C1orf50: variants seen among roughly 807,000 people sequenced by gnomAD.
The protein encoded by C1orf50 is chromosome 1 open reading frame 50.
In C1orf50, 22 loss-of-function variants were observed where a neutral mutation model predicts 23.3. The ratio of observed to expected loss-of-function variants is 0.94; its 90% CI spans 0.67 to 1.35. The LOEUF is 1.35. C1orf50 is among the 40% of genes most tolerant of loss of function. The pLI, the probability that C1orf50 is intolerant of heterozygous loss-of-function variation, is 0.00. For missense variants in C1orf50, 271 were observed against 249.4 expected, an observed-to-expected ratio of 1.09 and a Z score of -0.58; for synonymous variants, 96 against 102.4, an observed-to-expected ratio of 0.94 and a Z score of 0.38.
At chr1:42,771,353 T>A (rs1414788847) in intron 2 of C1orf50, among the ~76,000 whole-genome samples, 2 of 152,180 alleles carry the variant, frequency 1.3e-5, no homozygotes, top group African/African-American at 4.8e-5. Context: ...AATTTGAATT[T>A]AAAAAACCTG....
chr1:42,767,669 G>A (rs1381131058), intron 2 of C1orf50, 45 bp downstream of exon 2: 4 of 1,522,026 alleles, frequency 2.6e-6, no homozygotes, highest in Admixed American at 3.7e-5. Flanking sequence ...CTTCGTTCAC[G>A]TTGTACTCTG....
At chr1:42,775,141 G>T in intron 4 of C1orf50, 68 bp from the exon 5 acceptor site, 1 of 1,420,380 alleles carries the variant, frequency 7.0e-7, no homozygotes, top group South Asian at 1.3e-5. Context: ...ATTGTGGCAT[G>T]ATTAGGAAAT....
At chr1:42,767,435 G>A (rs1447589472) in intron 1 of C1orf50, 45 bp downstream of exon 1, 1 of 1,553,222 alleles carries the variant, frequency 6.4e-7, no homozygotes, top group Non-Finnish European at 8.7e-7. Context: ...CTCCCGCGAG[G>A]CAGCCGGTCT....
In C1orf50 at chr1:42,777,709, A is replaced by C. The variant is rs78939910; in HGVS notation, c.*2315A>C. ...CAGACATCATTGAATCATTGAACAG[A>C]TCCTAGAATCTATCTGCCACAGTGC... On this transcript the variant is annotated 3_prime_UTR_variant, in exon 5 of 5. Coordinates refer to ENST00000372525, the MANE Select transcript of C1orf50 (RefSeq NM_024097.4). 5,452 of 152,286 alleles carry C rather than the reference A, an allele frequency of 0.036. 141 individuals carry two copies. Among genetic ancestry groups the C allele is most frequent in the South Asian group, 0.074 (359 of 4,830 alleles). 9.4% of individuals were successfully genotyped at this position (152,286 alleles called of 1,614,324 possible).
At chr1:42,771,015 G>A (rs1653208847) in intron 2 of C1orf50, among the ~76,000 whole-genome samples, 1 of 152,054 alleles carries the variant, frequency 6.6e-6, no homozygotes, top group Admixed American at 6.6e-5. Flanking sequence ...TTATTAAATT[G>A]AATTCAAATA....
intron 2 of C1orf50, among the ~76,000 whole-genome samples, chr1:42,770,877 CT>C (rs150550494): frequency 1.2e-4 from 18 of 150,796 alleles, no homozygotes; most frequent in African/African-American, 3.4e-4. Flanking sequence ...TGCCTGCAAA[CT>C]TTTTTTTTTC....
chr1:42,769,068 A>T (rs1474831096), intron 2 of C1orf50, among the ~76,000 whole-genome samples: 1 of 152,050 alleles, frequency 6.6e-6, no homozygotes, highest in African/African-American at 2.4e-5. Flanking sequence ...GTTCGAGACC[A>T]GTCTGGCCAA....
intron 2 of C1orf50, among the ~76,000 whole-genome samples, chr1:42,770,435 C>CTTTT: frequency 7.0e-6 from 1 of 142,236 alleles, no homozygotes; most frequent in Non-Finnish European, 1.5e-5. Context: ...TTCTTTCTTT[C>CTTTT]TTTTTTTTTT....
chr1:42,775,171 C>T (rs761173969), intron 4 of C1orf50, 38 bp from the exon 5 acceptor site: 1 of 1,553,904 alleles, frequency 6.4e-7, no homozygotes, highest in South Asian at 1.1e-5. Context: ...TTGTTTACAA[C>T]CCACGCTGAT....
chr1:42,777,921 G>C lies in C1orf50; in HGVS notation c.*2527G>C, dbSNP rs1279339140. ...CCATTCTGCATGCAGTCATCAGCTT[G>C]ATCATTTGAAAATGCCAAATCTCCC... On this transcript the variant is annotated 3_prime_UTR_variant, in exon 5 of 5. Transcript: ENST00000372525. The C allele has an allele frequency of 6.6e-6, 1 of 151,878 alleles. No homozygotes were observed. Among genetic ancestry groups the C allele is most frequent in the Non-Finnish European group, 1.5e-5 (1 of 67,982 alleles). The allele number at this position is 151,878 out of a possible 1,614,324, so 9.4% of individuals were successfully genotyped here. A position where few individuals can be genotyped will look rare whatever the true frequency, so the allele number is the denominator to read the frequency against.
In C1orf50 at chr1:42,767,342, G is replaced by A. The variant is rs866713635; in HGVS notation, c.31G>A (p.Glu11Lys). The A allele has an allele frequency of 2.0e-6, 3 of 1,535,146 alleles. No homozygotes were observed. Among genetic ancestry groups the A allele is most frequent in the African/African-American group, 1.4e-5 (1 of 71,934 alleles). The part of the protein sequence containing the change: MEDAAAPGRT[E>K]GVLERQGAPP... ...GGACGCCGCCGCGCCGGGGCGGACC[G>A]AGGGGGTCCTTGAAAGGCAAGGAGC... The change falls in exon 1 of 5, where the codon GAG becomes AAG. Residue 11 changes from glutamate to lysine, a missense_variant. By Grantham distance (56) the Glu-to-Lys change is moderately conservative. Coordinates refer to ENST00000372525, the MANE Select transcript of C1orf50 (RefSeq NM_024097.4).
chr1:42,771,962 G>C (rs1445056026), intron 2 of C1orf50, among the ~76,000 whole-genome samples: 2 of 139,682 alleles, frequency 1.4e-5, no homozygotes, highest in African/African-American at 2.7e-5. Flanking sequence ...GTGACAGAGC[G>C]AGACTCTGCC....
intron 2 of C1orf50, 43 bp downstream of exon 2, chr1:42,767,667 A>G (rs1180813498): frequency 6.5e-7 from 1 of 1,531,342 alleles, no homozygotes; most frequent in South Asian, 1.2e-5. Context: ...ATCTTCGTTC[A>G]CGTTGTACTC....
At chr1:42,768,042 C>G (rs1328405760) in intron 2 of C1orf50, among the ~76,000 whole-genome samples, 1 of 152,190 alleles carries the variant, frequency 6.6e-6, no homozygotes, top group African/African-American at 2.4e-5. Context: ...TAAACATCTT[C>G]TAGCAGGGCA....
chr1:42,767,442 G>C, intron 1 of C1orf50, 52 bp downstream of exon 1: 2 of 1,553,648 alleles, frequency 1.3e-6, no homozygotes, highest in Non-Finnish European at 1.7e-6. Flanking sequence ...GAGGCAGCCG[G>C]TCTCGGGGCT....
chr1:42,776,110 A>G lies in C1orf50; in HGVS notation c.*716A>G, dbSNP rs1433785930. 1 of 152,186 alleles carries G rather than the reference A, an allele frequency of 6.6e-6. No homozygotes were observed. Among genetic ancestry groups the G allele is most frequent in the Non-Finnish European group, 1.5e-5 (1 of 68,042 alleles). 9.4% of individuals were successfully genotyped at this position (152,186 alleles called of 1,614,324 possible). ...CTTGGAAGAGACATTGGATGCTGCC[A>G]CTAATCATTATAGAGTCCACTGTGT... On this transcript the variant is annotated 3_prime_UTR_variant, in exon 5 of 5. Transcript: ENST00000372525.
rs1653088629 is a variant in C1orf50, at chr1:42,767,354, G to C, written c.43G>C (p.Glu15Gln). Residue 15 changes from glutamate to glutamine, a missense_variant, in exon 1 of 5, where the codon GAA becomes CAA. Coordinates refer to ENST00000372525, the MANE Select transcript of C1orf50 (RefSeq NM_024097.4). The part of the protein sequence containing the change: ...AAPGRTEGVL[E>Q]RQGAPPAAGQ... The stretch of plus-strand genomic sequence containing the variant: ...GCCGGGGCGGACCGAGGGGGTCCTT[G>C]AAAGGCAAGGAGCGCCGCCAGCTGC... The C allele has an allele frequency of 6.5e-7, 1 of 1,536,796 alleles. No individual in the cohort carries two copies. Among genetic ancestry groups the C allele is most frequent in the Admixed American group, 2.4e-5 (1 of 42,376 alleles).
chr1:42,767,390 G>A lies in C1orf50; in HGVS notation c.79G>A (p.Gly27Arg), dbSNP rs1653091105. The A allele has an allele frequency of 6.4e-7, 1 of 1,556,412 alleles. No individual in the cohort carries two copies. The highest frequency in any genetic ancestry group is 1.4e-5 in the African/African-American group (1 of 73,490). The part of the protein sequence containing the change: ...QGAPPAAGQG[G>R]ALVELTPTPG... ...AGCGCCGCCAGCTGCAGGCCAGGGAGGTATGCGGGGCGGGAGTCAGCAGGG... is the reference window on the plus strand; with the variant it reads ...AGCGCCGCCAGCTGCAGGCCAGGGAAGTATGCGGGGCGGGAGTCAGCAGGG... The change falls in exon 1 of 5, where the codon GGA becomes AGA. Residue 27 changes from glycine to arginine, a missense_variant and splice_region_variant. By Grantham distance (125) the Gly-to-Arg change is moderately radical. Transcript: ENST00000372525.
At chr1:42,773,207 G>C (rs1255158431) in intron 2 of C1orf50, 4 of 161,340 alleles carry the variant, frequency 2.5e-5, no homozygotes, top group Non-Finnish European at 5.4e-5. Context: ...AAATGGATTG[G>C]TTGGAGGAGA....
Sources: allele counts gnomAD v4.1 joint callset (sites outside exome capture counted in the v4.1 genomes callset), GRCh38; gene constraint gnomAD v4.1.1; transcripts MANE v1.5; gene names NCBI Gene and HGNC (gene_info 2026-07-23, HGNC 2026-07-21).